The following PLCG2 variants were observed in gnomAD, a reference collection of about 807,000 sequenced individuals.
PLCG2 encodes the protein phospholipase C gamma 2.
PLCG2 carries 69 observed loss-of-function variants against 175.6 expected under a neutral mutation model. That is an observed-to-expected ratio of 0.39 (90% CI 0.32 to 0.48). PLCG2 has a LOEUF of 0.48. PLCG2 is among the 20% of genes least tolerant of loss of function. The pLI is 0.91. For synonymous variants in PLCG2, 827 were observed against 624.0 expected (o/e 1.33, Z -4.85); for missense variants, 1,798 against 1,650.9 (o/e 1.09, Z -1.54).
At chr16:81,875,519 A>G (rs995604420) in intron 7 of PLCG2, among the ~76,000 whole-genome samples, 1 of 152,194 alleles carries the variant, frequency 6.6e-6, no homozygotes, top group African/African-American at 2.4e-5. Flanking sequence ...AAGTAGAGAG[A>G]ATAGCGTAAC....
At chr16:81,783,199 G>A (rs1239711811) in intron 1 of PLCG2, 1 of 463,952 alleles carries the variant, frequency 2.2e-6, no homozygotes, top group African/African-American at 2.0e-5. Flanking sequence ...TAGAGACCTG[G>A]GAGTGGGGAA....
chr16:81,897,835 G>A (rs1264402049), intron 13 of PLCG2: 4 of 455,646 alleles, frequency 8.8e-6, no homozygotes, highest in Admixed American at 2.4e-5. Context: ...ATGAGCCACC[G>A]TGCCCAACCC....
At chr16:81,812,400 A>G (rs1396820695) in intron 2 of PLCG2, among the ~76,000 whole-genome samples, 2 of 152,268 alleles carry the variant, frequency 1.3e-5, no homozygotes, top group South Asian at 2.1e-4. Flanking sequence ...ATGAGATGGT[A>G]TCTCATTGTA....
At chr16:81,764,221 A>T (rs1048091564) in intron 2 of PLCG2, among the ~76,000 whole-genome samples, 2 of 152,108 alleles carry the variant, frequency 1.3e-5, no homozygotes, top group African/African-American at 2.4e-5. Flanking sequence ...GGAGCCCAGG[A>T]GGTCGAGGCT....
chr16:81,780,203 G>A lies in PLCG2; in HGVS notation c.-48+779G>A, dbSNP rs77214275. 7.4e-4 allele frequency among the ~76,000 whole-genome samples: 112 copies of A among 152,252 alleles called. 1 individual carries two copies. The East Asian group carries it at 0.021, about 28-fold the overall frequency. ...GCGAGGGAAACAGGTGGCCTTGCCC[G>A]TCGGAACTTAATTTGAATTTCAGTT... On this transcript the variant is annotated intron_variant, in intron 1 of 32. Transcript: ENST00000564138.
intron 2 of PLCG2, among the ~76,000 whole-genome samples, chr16:81,837,374 C>T (rs1332090507): frequency 6.6e-6 from 1 of 152,226 alleles, no homozygotes. Context: ...CGAGTGGGCA[C>T]CCTGCAGGCC....
chr16:81,791,647 C>G (rs544143851), intron 2 of PLCG2, among the ~76,000 whole-genome samples: 1 of 152,306 alleles, frequency 6.6e-6, no homozygotes, highest in Non-Finnish European at 1.5e-5. Flanking sequence ...TCACTGCAAC[C>G]TTTGCCTCCT....
intron 20 of PLCG2, among the ~76,000 whole-genome samples, chr16:81,920,969 G>C (rs898387880): frequency 1.3e-5 from 2 of 152,172 alleles, no homozygotes; most frequent in African/African-American, 4.8e-5. Context: ...TGCCTGGCAC[G>C]CAGCAGGCCA....
chr16:81,778,045 A>ACAAACAAACAAAC (rs1910510296), upstream of PLCG2, among the ~76,000 whole-genome samples: 1 of 77,906 alleles, frequency 1.3e-5, no homozygotes, highest in Non-Finnish European at 2.5e-5. Flanking sequence ...AAAAAAAACA[A>ACAAACAAACAAAC]AAAAAAAAAC....
intron 1 of PLCG2, among the ~76,000 whole-genome samples, chr16:81,755,007 T>G (rs1242176852): frequency 6.6e-6 from 1 of 151,984 alleles, no homozygotes; most frequent in Non-Finnish European, 1.5e-5. Context: ...GCTTACCCTC[T>G]CTGAGCCCCC....
chr16:81,854,511 A>G lies in PLCG2; in HGVS notation c.261A>G (p.Ala87=). The G allele has an allele frequency of 1.2e-6, 2 of 1,613,966 alleles. No homozygotes were observed. Among genetic ancestry groups the G allele is most frequent in the Non-Finnish European group, 1.7e-6 (2 of 1,179,778 alleles). The change falls in exon 3 of 33, where the codon GCA becomes GCG. Residue 87 remains alanine, a synonymous_variant. Transcript: ENST00000564138. ...KNSKDFERAK[A]VRQKEDCCFT... is the part of the protein sequence containing the mutation. ...CCAAAGATTTCGAGCGAGCAAAAGC[A>G]GTTCGCCAGAAAGAAGACTGCTGCT... is the stretch of plus-strand genomic sequence containing the variant.
At chr16:81,815,877 A>T (rs1197540993) in intron 2 of PLCG2, among the ~76,000 whole-genome samples, 1 of 151,854 alleles carries the variant, frequency 6.6e-6, no homozygotes, top group Non-Finnish European at 1.5e-5. Flanking sequence ...CCCGGCCAAC[A>T]TTGTGAAACC....
chr16:81,882,212 C>A lies in PLCG2; in HGVS notation c.693-1057C>A, dbSNP rs150850754. 1.9e-3 allele frequency among the ~76,000 whole-genome samples: 286 copies of A among 152,276 alleles called. 2 individuals are homozygous for A. Among genetic ancestry groups the A allele is most frequent in the African/African-American group, 6.7e-3 (278 of 41,544 alleles). ...AGCAGAATGTACTCCCCATCCAACC[C>A]GGGGGTGGCTCGTGCTGGCCCAGTG... On this transcript the variant is annotated intron_variant, in intron 8 of 32. Transcript: ENST00000564138.
intron 13 of PLCG2, among the ~76,000 whole-genome samples, chr16:81,896,388 A>T (rs1908889151): frequency 1.1e-5 from 1 of 89,128 alleles, no homozygotes; most frequent in South Asian, 3.4e-4. Context: ...ACACACACAC[A>T]CACACACACA....
rs886783736 is a variant in PLCG2 at position 81,912,462 on chromosome 16, A to C, written c.1935-135A>C. On this transcript the variant is annotated intron_variant, in intron 18 of 32. Coordinates refer to ENST00000564138, the MANE Select transcript of PLCG2 (RefSeq NM_002661.5). ...GAGGTGCCTTTGTCTGGGGAAGCCCACTGTGTGATTTCCATGGTCGTTTCC... is the reference window on the plus strand; with the variant it reads ...GAGGTGCCTTTGTCTGGGGAAGCCCCCTGTGTGATTTCCATGGTCGTTTCC... 2.3e-5 allele frequency: 24 copies of C among 1,037,802 alleles called. No homozygotes were observed. In the African/African-American group the frequency reaches 3.7e-4, roughly 16 times the overall value. The allele number at this position is 1,037,802 out of a possible 1,614,324, so 64.3% of individuals were successfully genotyped here. A position where few individuals can be genotyped will look rare whatever the true frequency, so the allele number is the denominator to read the frequency against.
chr16:81,884,615 G>GTT (rs1329439207), intron 9 of PLCG2, among the ~76,000 whole-genome samples: 2 of 151,958 alleles, frequency 1.3e-5, no homozygotes, highest in Non-Finnish European at 2.9e-5. Context: ...GTGTGTGTGT[G>GTT]TGTGTACATG....
In PLCG2 at chr16:81,923,499, G is replaced by C; in HGVS notation, c.2322G>C (p.Val774=). 1 of 1,611,924 alleles carries C rather than the reference G, an allele frequency of 6.2e-7. No individual in the cohort carries two copies. The highest frequency in any genetic ancestry group is 8.5e-7 in the Non-Finnish European group (1 of 1,178,194). The change falls in exon 22 of 33, where the codon GTG becomes GTC. Residue 774 remains valine (V), a synonymous_variant. Transcript: ENST00000564138. The part of the protein sequence containing the change: ...EINPSMPQRT[V]KALYDYKAKR... ...TTCCCTGAAAGCCTCAGAGAACCGT[G>C]AAAGCTCTGTATGACTACAAAGCCA...
At chr16:81,872,086 T>C (rs1263607978) in intron 7 of PLCG2, among the ~76,000 whole-genome samples, 3 of 152,168 alleles carry the variant, frequency 2.0e-5, no homozygotes, top group Non-Finnish European at 2.9e-5. Flanking sequence ...CCCAGCACTT[T>C]GGGAGCCCAG....
chr16:81,917,145 A>G (rs1207978769), intron 19 of PLCG2, among the ~76,000 whole-genome samples: 1 of 150,502 alleles, frequency 6.6e-6, no homozygotes, highest in Non-Finnish European at 1.5e-5. Context: ...ATCCTGTGGT[A>G]TTTGTTTTTC....
Sources: allele counts gnomAD v4.1 joint callset (sites outside exome capture counted in the v4.1 genomes callset), GRCh38; gene constraint gnomAD v4.1.1; transcripts MANE v1.5; gene names NCBI Gene and HGNC (gene_info 2026-07-23, HGNC 2026-07-21).